The following CADM2 variants were observed in gnomAD, a reference collection of about 807,000 sequenced individuals.
CADM2 encodes the protein cell adhesion molecule 2.
In CADM2, 12 loss-of-function variants were observed where a neutral mutation model predicts 49.8. The observed-to-expected ratio is 0.24, with a 90% CI of 0.15 to 0.39. CADM2 has a LOEUF of 0.39. Ranked by LOEUF, CADM2 falls within the 10% of genes least tolerant of loss-of-function variation. The pLI is 1.00. For synonymous variants in CADM2, 214 were observed against 175.4 expected (o/e 1.22, Z -1.74); for missense variants, 378 against 492.3 (o/e 0.77, Z 2.20).
chr3:85,530,923 T>C (rs1159330527), intron 1 of CADM2, among the ~76,000 whole-genome samples: 3 of 145,090 alleles, frequency 2.1e-5, no homozygotes, highest in African/African-American at 5.1e-5. Flanking sequence ...CAAAATTCAT[T>C]ATTGTGGAAT....
rs1491413528 is a variant in CADM2, at chr3:85,769,240, A to ATG, written c.89-32806_89-32805insGT. Among the ~76,000 whole-genome samples the ATG allele has an allele frequency of 4.5e-4, 54 of 119,556 alleles. 2 individuals are homozygous for ATG. Among genetic ancestry groups the ATG allele is most frequent in the Admixed American group, 1.3e-3 (13 of 10,050 alleles). The allele number at this position is 119,556 out of a possible 152,430, so 78.4% of individuals were successfully genotyped here. A position where few individuals can be genotyped will look rare whatever the true frequency, so the allele number is the denominator to read the frequency against. ...ATAGTATATATACACACATATACAC[A>ATG]TATATACATATATAGTATATATACA... is the stretch of plus-strand genomic sequence containing the variant. On this transcript the variant is annotated intron_variant, in intron 2 of 9. Coordinates refer to ENST00000383699, the MANE Select transcript of CADM2 (RefSeq NM_001167675.2).
intron 3 of CADM2, among the ~76,000 whole-genome samples, chr3:85,833,706 G>A (rs574529152): frequency 6.6e-6 from 1 of 151,334 alleles, no homozygotes; most frequent in Non-Finnish European, 1.5e-5. Flanking sequence ...TAGATTCCAG[G>A]GGTCTACATG....
chr3:85,671,177 A>AT (rs1255991740), intron 1 of CADM2, among the ~76,000 whole-genome samples: 2 of 152,156 alleles, frequency 1.3e-5, no homozygotes, highest in Non-Finnish European at 2.9e-5. Context: ...ATTAAATTGC[A>AT]TTTTTTCTTC....
intron 1 of CADM2, among the ~76,000 whole-genome samples, chr3:85,560,055 C>A (rs1056859767): frequency 6.6e-6 from 1 of 152,098 alleles, no homozygotes; most frequent in Non-Finnish European, 1.5e-5. Flanking sequence ...CGCCCCTCTT[C>A]TAGTCCTGAA....
chr3:85,572,136 A>C (rs939446619), intron 1 of CADM2, among the ~76,000 whole-genome samples: 1 of 152,038 alleles, frequency 6.6e-6, no homozygotes, highest in Non-Finnish European at 1.5e-5. Flanking sequence ...GTCTCTACTA[A>C]AAATATAAAA....
chr3:85,431,004 C>A (rs1279317658), intron 1 of CADM2, among the ~76,000 whole-genome samples: 1 of 152,058 alleles, frequency 6.6e-6, no homozygotes, highest in African/African-American at 2.4e-5. Flanking sequence ...CACCCATAAG[C>A]ATGTCTTAGT....
chr3:85,349,743 CAG>C (rs1417756671), intron 1 of CADM2, among the ~76,000 whole-genome samples: 1 of 152,128 alleles, frequency 6.6e-6, no homozygotes, highest in Admixed American at 6.5e-5. Context: ...TGAGAGAGAA[CAG>C]AGAACCTTGC....
intron 1 of CADM2, among the ~76,000 whole-genome samples, chr3:85,181,380 T>C (rs927914743): frequency 1.3e-5 from 2 of 152,058 alleles, no homozygotes; most frequent in Non-Finnish European, 2.9e-5. Context: ...TGGGGATAAG[T>C]TGAGAAGAGG....
intron 1 of CADM2, among the ~76,000 whole-genome samples, chr3:85,644,153 C>A (rs1035842335): frequency 6.6e-6 from 1 of 152,098 alleles, no homozygotes; most frequent in African/African-American, 2.4e-5. Flanking sequence ...GTTTTAGCAG[C>A]GTTGGTGTCT....
At chr3:85,859,895 A>T (rs1309841235) in intron 3 of CADM2, among the ~76,000 whole-genome samples, 1 of 152,204 alleles carries the variant, frequency 6.6e-6, no homozygotes, top group Non-Finnish European at 1.5e-5. Flanking sequence ...TGTTCTATTT[A>T]TATTAATTGT....
chr3:84,992,683 G>C (rs2032959897), intron 1 of CADM2, among the ~76,000 whole-genome samples: 1 of 152,106 alleles, frequency 6.6e-6, no homozygotes, highest in Non-Finnish European at 1.5e-5. Context: ...ACCTGGGATT[G>C]AGCTAATAAT....
At chr3:85,183,190 C>A (rs1018824115) in intron 1 of CADM2, among the ~76,000 whole-genome samples, 1 of 152,090 alleles carries the variant, frequency 6.6e-6, no homozygotes, top group Non-Finnish European at 1.5e-5. Context: ...AGGCTAAAAT[C>A]TGTCAAGTAT....
At chr3:85,062,117 GA>G (rs2036353573) in intron 1 of CADM2, among the ~76,000 whole-genome samples, 1 of 149,612 alleles carries the variant, frequency 6.7e-6, no homozygotes, top group African/African-American at 2.5e-5. Context: ...CACACACACG[GA>G]AACTCTATAT....
intron 1 of CADM2, among the ~76,000 whole-genome samples, chr3:84,991,525 A>G (rs1197199308): frequency 5.3e-5 from 8 of 152,226 alleles, no homozygotes; most frequent in Admixed American, 3.9e-4. Context: ...AGTCTTCTAC[A>G]CACATGTTAG....
At chr3:85,375,154 G>A (rs1025894564) in intron 1 of CADM2, among the ~76,000 whole-genome samples, 2 of 151,952 alleles carry the variant, frequency 1.3e-5, no homozygotes, top group Non-Finnish European at 2.9e-5. Flanking sequence ...TAGAAGATTT[G>A]GGCATCTGCA....
At chr3:85,737,468 T>C (rs1158020527) in intron 2 of CADM2, among the ~76,000 whole-genome samples, 3 of 152,156 alleles carry the variant, frequency 2.0e-5, no homozygotes, top group Non-Finnish European at 2.9e-5. Context: ...TTGATTATCA[T>C]GCAATACAAG....
At chr3:85,329,665 T>C (rs2044858922) in intron 1 of CADM2, among the ~76,000 whole-genome samples, 1 of 152,124 alleles carries the variant, frequency 6.6e-6, no homozygotes, top group Non-Finnish European at 1.5e-5. Flanking sequence ...TATGTGTGTG[T>C]ATAAAGTAAG....
rs1239773740 is a variant in CADM2 at position 85,640,375 on chromosome 3, C to A, written c.62-86147C>A. On this transcript the variant is annotated intron_variant, in intron 1 of 9. Coordinates refer to ENST00000383699, the MANE Select transcript of CADM2 (RefSeq NM_001167675.2). The stretch of plus-strand genomic sequence containing the variant: ...ATAGAATCACTTGTATAATTAGACT[C>A]AAAATTTAAAAAAATGTGGTTTTTG... 2.0e-5 allele frequency among the ~76,000 whole-genome samples: 3 copies of A among 151,964 alleles called. No homozygotes were observed. The South Asian group carries it at 6.2e-4, about 32-fold the overall frequency.
intron 1 of CADM2, among the ~76,000 whole-genome samples, chr3:85,680,950 G>T (rs1425144948): frequency 6.6e-6 from 1 of 152,124 alleles, no homozygotes; most frequent in Non-Finnish European, 1.5e-5. Context: ...TCATGAAAAA[G>T]AACCAAATAT....
Sources: gnomAD v4.1 joint callset for allele counts (sites outside exome capture counted in the v4.1 genomes callset) on GRCh38, gnomAD v4.1.1 for gene constraint, MANE v1.5 for transcripts, NCBI Gene and HGNC (gene_info 2026-07-23, HGNC 2026-07-21) for gene names.